MYO18B: variants seen among roughly 807,000 people sequenced by gnomAD.
MYO18B encodes the protein unconventional myosin-XVIIIb.
A neutral mutation model predicts 273.0 loss-of-function variants in MYO18B; 204 were observed. That is an observed-to-expected ratio of 0.75 (90% CI 0.67 to 0.84). MYO18B has a LOEUF of 0.84. Ranked by LOEUF, MYO18B falls within the 40% of genes least tolerant of loss-of-function variation. MYO18B has a pLI of 0.00. For missense variants in MYO18B, 3,212 were observed against 3,287.6 expected (o/e 0.98, Z 0.56); for synonymous variants, 1,330 against 1,305.7 (o/e 1.02, Z -0.40).
chr22:25,921,322 G>A lies in MYO18B; in HGVS notation c.5430G>A (p.Leu1810=), dbSNP rs769149087. Residue 1810 remains leucine, a synonymous_variant, in exon 34 of 44, where the codon CTG becomes CTA. Transcript: ENST00000335473. ...LRRDLRRTHA[L]LSDVQLLLGT... Reference sequence around the variant, plus strand: ...GAGACCTCAGGAGGACACATGCACTGTTGTCAGACGTGCAGCTCCTTCTGG... The same window carrying A: ...GAGACCTCAGGAGGACACATGCACTATTGTCAGACGTGCAGCTCCTTCTGG... The A allele has an allele frequency of 1.9e-6, 3 of 1,571,888 alleles. No individual in the cohort carries two copies. Among genetic ancestry groups the A allele is most frequent in the Non-Finnish European group, 8.6e-7 (1 of 1,158,378 alleles).
chr22:25,768,438 C>T lies in MYO18B; in HGVS notation c.522C>T (p.Asp174=), dbSNP rs542208546. 198 of 1,610,334 alleles carry T rather than the reference C, an allele frequency of 1.2e-4. No individual in the cohort carries two copies. The East Asian group carries it at 1.6e-3, about 13-fold the overall frequency. ...SAKPEKTHPH[D]APPCKTSPPA... ...AGCCAGAGAAGACTCATCCCCATGA[C>T]GCCCCCCCTTGCAAGACCTCTCCCC... is the stretch of plus-strand genomic sequence containing the variant. The change falls in exon 4 of 44, where the codon GAC becomes GAT. Residue 174 remains aspartate, a synonymous_variant. Coordinates refer to ENST00000335473, the MANE Select transcript of MYO18B (RefSeq NM_032608.7).
chr22:26,033,419 T>C (rs560157035), downstream of MYO18B, among the ~76,000 whole-genome samples: 1 of 152,342 alleles, frequency 6.6e-6, no homozygotes, highest in Non-Finnish European at 1.5e-5. Flanking sequence ...AATTATCTTG[T>C]GAGTTCCGTG....
chr22:25,782,816 T>G (rs990120722), intron 10 of MYO18B, among the ~76,000 whole-genome samples: 6 of 152,156 alleles, frequency 3.9e-5, no homozygotes, highest in African/African-American at 1.4e-4. Context: ...TCCCAGTTTT[T>G]AGAGTGATTG....
chr22:25,818,011 C>T (rs1170998153), intron 12 of MYO18B, among the ~76,000 whole-genome samples: 1 of 152,160 alleles, frequency 6.6e-6, no homozygotes, highest in African/African-American at 2.4e-5. Flanking sequence ...CCATGGGGAC[C>T]TGTTTCTCCC....
Position 25,851,451 on chromosome 22 carries a change from C to T in MYO18B, c.3776-19C>T. 1 of 1,523,026 alleles carries T rather than the reference C, an allele frequency of 6.6e-7. No individual in the cohort carries two copies. The highest frequency in any genetic ancestry group is 8.9e-7 in the Non-Finnish European group (1 of 1,120,828). The allele number at this position is 1,523,026 out of a possible 1,614,324, so 94.3% of individuals were successfully genotyped here. On this transcript the variant is annotated intron_variant, in intron 20 of 43. Transcript: ENST00000335473. ...ATCTGGACTCTGTGCTCTTCTCCTG[C>T]CTGCTCCTACCTCCCTAGGCTATGC...
At chr22:25,881,330 T>C (rs2091328289) in intron 25 of MYO18B, among the ~76,000 whole-genome samples, 1 of 152,238 alleles carries the variant, frequency 6.6e-6, no homozygotes, top group Admixed American at 6.5e-5. Flanking sequence ...TGGGCTGAGA[T>C]ACACCTTGAG....
intron 42 of MYO18B, among the ~76,000 whole-genome samples, chr22:26,017,212 A>G (rs557495910): frequency 1.1e-4 from 16 of 150,116 alleles, no homozygotes; most frequent in Non-Finnish European, 2.4e-4. Context: ...TCTTTTTTTA[A>G]ATTTGTTAAC....
At chr22:26,052,300 T>C in the MYO18B span, among the ~76,000 whole-genome samples, 1 of 152,232 alleles carries the variant, frequency 6.6e-6, no homozygotes, top group Non-Finnish European at 1.5e-5. Flanking sequence ...ATGGTATTGA[T>C]AATTTCATAC....
At chr22:25,921,217 C>A in intron 33 of MYO18B, 40 bp from the exon 34 acceptor site, 1 of 1,528,918 alleles carries the variant, frequency 6.5e-7, no homozygotes, top group South Asian at 1.2e-5. Flanking sequence ...CTGGCCACTG[C>A]TTTGCCACCT....
Position 25,910,936 on chromosome 22 carries a change from G to A in MYO18B, c.5260-10G>A. 1.3e-6 allele frequency: 2 copies of A among 1,575,492 alleles called. No homozygotes were observed. The highest frequency in any genetic ancestry group is 1.7e-6 in the Non-Finnish European group (2 of 1,159,210). ...TTACCCTGTGATGTTTCTTCCCTGT[G>A]TATCCACAGCTTCATCAGCTGGAAA... is the stretch of plus-strand genomic sequence containing the variant. On this transcript the variant is annotated splice_polypyrimidine_tract_variant and intron_variant, in intron 32 of 43. Coordinates refer to ENST00000335473, the MANE Select transcript of MYO18B (RefSeq NM_032608.7).
intron 1 of MYO18B, among the ~76,000 whole-genome samples, chr22:25,755,933 C>T (rs948442635): frequency 2.0e-5 from 3 of 151,634 alleles, no homozygotes; most frequent in South Asian, 2.1e-4. Flanking sequence ...CCCCCACCCC[C>T]GTTGCCCAGG....
chr22:25,774,892 G>T (rs1232047938), intron 7 of MYO18B, among the ~76,000 whole-genome samples: 1 of 152,244 alleles, frequency 6.6e-6, no homozygotes, highest in Non-Finnish European at 1.5e-5. Flanking sequence ...GGTAGAGGTG[G>T]ATCCCATCTC....
chr22:26,050,570 G>C, the MYO18B span, among the ~76,000 whole-genome samples: 2 of 152,106 alleles, frequency 1.3e-5, no homozygotes, highest in African/African-American at 4.8e-5. Flanking sequence ...AGGATCTCCT[G>C]GTCTTATTGT....
At chr22:26,041,767 G>A in the MYO18B span, among the ~76,000 whole-genome samples, 2 of 152,180 alleles carry the variant, frequency 1.3e-5, no homozygotes, top group Non-Finnish European at 2.9e-5. Flanking sequence ...GCAGGCATGA[G>A]AAGGAATGAA....
chr22:25,763,312 C>G lies in MYO18B; in HGVS notation c.121C>G (p.Leu41Val). Residue 41 changes from leucine to valine, a missense_variant, in exon 3 of 44, where the codon CTG (leucine) becomes GTG (valine). Physicochemically the swap from Leu to Val is conservative, Grantham distance 32 (BLOSUM62 1). Coordinates refer to ENST00000335473, the MANE Select transcript of MYO18B (RefSeq NM_032608.7). Reference protein sequence around the residue: ...SVIPGGFIKQLVRGTEKEAKE... With the variant: ...SVIPGGFIKQVVRGTEKEAKE... ...CATCCCAGGGGGCTTCATTAAGCAA[C>G]TGGTCCGGGGGACTGAAAAAGAGGC... is the stretch of plus-strand genomic sequence containing the variant. The G allele has an allele frequency of 6.2e-7, 1 of 1,613,290 alleles. No individual in the cohort carries two copies. Among genetic ancestry groups the G allele is most frequent in the Non-Finnish European group, 8.5e-7 (1 of 1,179,738 alleles).
chr22:25,995,461 ATATGGTTGT>A (rs1488978605), intron 40 of MYO18B, among the ~76,000 whole-genome samples: 6 of 152,236 alleles, frequency 3.9e-5, no homozygotes, highest in African/African-American at 7.2e-5. Flanking sequence ...ATTTTCCATG[ATATGGTTGT>A]TATGCATTGC....
chr22:26,035,559 G>T (rs1386789135), downstream of MYO18B, among the ~76,000 whole-genome samples: 1 of 152,172 alleles, frequency 6.6e-6, no homozygotes, highest in African/African-American at 2.4e-5. Flanking sequence ...TGGCCACTGA[G>T]CCGTAAGCAA....
intron 1 of MYO18B, among the ~76,000 whole-genome samples, chr22:25,758,021 T>C (rs1018700453): frequency 5.9e-5 from 9 of 152,196 alleles, no homozygotes; most frequent in African/African-American, 2.2e-4. Flanking sequence ...TTTGTTCGTT[T>C]GTTTGTTTTT....
In MYO18B at chr22:25,898,312, G is replaced by T. The variant is rs1480681754; in HGVS notation, c.4674G>T (p.Gly1558=). 6.2e-7 allele frequency: 1 copy of T among 1,613,124 alleles called. No homozygotes were observed. Among genetic ancestry groups the T allele is most frequent in the East Asian group, 2.2e-5 (1 of 44,886 alleles). ...TARKELEQKL[G]ELQSAYDGAK... is the part of the protein sequence containing the mutation. ...TCATTCTATTACTCTTACAGCTTGGGGAGTTGCAAAGTGCTTATGACGGGG... is the reference window on the plus strand; with the variant it reads ...TCATTCTATTACTCTTACAGCTTGGTGAGTTGCAAAGTGCTTATGACGGGG... The change falls in exon 29 of 44, where the codon GGG becomes GGT. Residue 1558 remains glycine, a synonymous_variant. Coordinates refer to ENST00000335473, the MANE Select transcript of MYO18B (RefSeq NM_032608.7).
Sources: gnomAD v4.1 joint callset for allele counts (sites outside exome capture counted in the v4.1 genomes callset) on GRCh38, gnomAD v4.1.1 for gene constraint, MANE v1.5 for transcripts, NCBI Gene and HGNC (gene_info 2026-07-23, HGNC 2026-07-21) for gene names.